The following MTX2 variants were observed in gnomAD, a reference collection of about 807,000 sequenced individuals.
The protein encoded by MTX2 is metaxin-2.
In MTX2, 35 loss-of-function variants were observed where a neutral mutation model predicts 42.3. The ratio of observed to expected loss-of-function variants is 0.83; its 90% CI spans 0.63 to 1.10. MTX2 has a LOEUF of 1.10. Ranked by LOEUF, MTX2 falls within the 50% of genes least tolerant of loss-of-function variation. The pLI, the probability that MTX2 is intolerant of heterozygous loss-of-function variation, is 0.00. For missense variants in MTX2, 307 were observed against 304.1 expected, an observed-to-expected ratio of 1.01 and a Z score of -0.07; for synonymous variants, 119 against 100.9, an observed-to-expected ratio of 1.18 and a Z score of -1.08.
intron 1 of MTX2, among the ~76,000 whole-genome samples, chr2:176,295,344 A>G (rs1184636588): frequency 1.3e-5 from 2 of 152,292 alleles, no homozygotes; most frequent in East Asian, 3.9e-4. Context: ...AATTTATCCT[A>G]AAAGGTTATT....
intron 1 of MTX2, among the ~76,000 whole-genome samples, chr2:176,293,565 T>G (rs1012296670): frequency 6.6e-6 from 1 of 152,220 alleles, no homozygotes; most frequent in Middle Eastern, 3.4e-3. Context: ...TCTGGTTGTT[T>G]AAAAGAGAGC....
chr2:176,294,619 G>T (rs188192802), intron 1 of MTX2, among the ~76,000 whole-genome samples: 50 of 152,280 alleles, frequency 3.3e-4, no homozygotes, highest in African/African-American at 1.1e-3. Flanking sequence ...ATAAATTGCT[G>T]TTCATATAAG....
At chr2:176,325,898 T>G (rs3754987) in intron 4 of MTX2, among the ~76,000 whole-genome samples, 1 of 151,758 alleles carries the variant, frequency 6.6e-6, no homozygotes, top group East Asian at 1.9e-4. Context: ...TAATGCATGT[T>G]GTCCTATGGA....
intron 1 of MTX2, among the ~76,000 whole-genome samples, chr2:176,290,966 GACAA>G (rs572300908): frequency 1.6e-4 from 25 of 152,020 alleles, no homozygotes; most frequent in South Asian, 6.2e-4. Context: ...CAGCTTATCT[GACAA>G]ACAGTCTCAC....
intron 1 of MTX2, among the ~76,000 whole-genome samples, chr2:176,284,749 A>G (rs1693155785): frequency 6.6e-6 from 1 of 152,220 alleles, no homozygotes; most frequent in Non-Finnish European, 1.5e-5. Context: ...AAATTAATCT[A>G]CACACATCCT....
chr2:176,313,357 C>CTCA (rs1228415745), intron 3 of MTX2, among the ~76,000 whole-genome samples: 19 of 149,464 alleles, frequency 1.3e-4, no homozygotes, highest in African/African-American at 4.7e-4. Flanking sequence ...TGATCTTCTG[C>CTCA]TCATTAACTT....
intron 1 of MTX2, among the ~76,000 whole-genome samples, chr2:176,293,650 A>G (rs1375342014): frequency 6.6e-6 from 1 of 151,952 alleles, no homozygotes; most frequent in Admixed American, 6.6e-5. Context: ...TTCTGCCATG[A>G]TTGTAAGCTT....
At chr2:176,335,064 TATTA>T (rs1684956391) in intron 9 of MTX2, among the ~76,000 whole-genome samples, 1 of 151,822 alleles carries the variant, frequency 6.6e-6, no homozygotes, top group Non-Finnish European at 1.5e-5. Flanking sequence ...AATTATATGG[TATTA>T]ATTATCAAAT....
intron 3 of MTX2, among the ~76,000 whole-genome samples, chr2:176,317,372 A>G (rs1346802723): frequency 6.6e-6 from 1 of 152,166 alleles, no homozygotes; most frequent in Non-Finnish European, 1.5e-5. Flanking sequence ...ATTCACCATT[A>G]TAATTTTTCA....
Position 176,269,642 on chromosome 2 carries a change from G to T in MTX2, c.13G>T (p.Ala5Ser), listed in dbSNP as rs868118253. The T allele has an allele frequency of 1.9e-6, 3 of 1,597,572 alleles. No homozygotes were observed. The Admixed American group carries it at 5.1e-5, about 27-fold the overall frequency. MSLV[A>S]EAFVSQIAAA... is the part of the protein sequence containing the mutation. ...CCTCCCAGCCGACATGTCTCTAGTGGCGGAAGCCTTCGTCTCCCAGATTGC... is the reference window on the plus strand; with the variant it reads ...CCTCCCAGCCGACATGTCTCTAGTGTCGGAAGCCTTCGTCTCCCAGATTGC... The change falls in exon 1 of 10, where the codon GCG (alanine) becomes TCG (serine). Residue 5 changes from alanine to serine, a missense_variant. Coordinates refer to ENST00000249442, the MANE Select transcript of MTX2 (RefSeq NM_006554.5).
intron 1 of MTX2, among the ~76,000 whole-genome samples, chr2:176,290,575 C>G (rs1005510427): frequency 1.3e-5 from 2 of 152,000 alleles, no homozygotes; most frequent in African/African-American, 4.8e-5. Flanking sequence ...TGTCTTTTCC[C>G]AAACCAAGAG....
intron 3 of MTX2, among the ~76,000 whole-genome samples, chr2:176,303,897 A>AT (rs1684084298): frequency 6.6e-6 from 1 of 152,046 alleles, no homozygotes; most frequent in Non-Finnish European, 1.5e-5. Context: ...GTTCTGAGAG[A>AT]TTGCAACTTA....
intron 4 of MTX2, among the ~76,000 whole-genome samples, chr2:176,326,225 A>G (rs1486725987): frequency 6.6e-6 from 1 of 151,708 alleles, no homozygotes; most frequent in Non-Finnish European, 1.5e-5. Flanking sequence ...TTTTTCCCAC[A>G]TGTTGGGAAC....
intron 3 of MTX2, among the ~76,000 whole-genome samples, chr2:176,309,162 T>C (rs937081727): frequency 7.9e-5 from 12 of 152,334 alleles, no homozygotes; most frequent in African/African-American, 2.9e-4. Context: ...CAGTAGTCAT[T>C]CAGAAGCAGG....
chr2:176,326,987 A>T, intron 5 of MTX2, 86 bp downstream of exon 5: 1 of 751,858 alleles, frequency 1.3e-6, no homozygotes, highest in South Asian at 2.7e-5. Flanking sequence ...ATTGATTTCA[A>T]CCTAGTTTTA....
chr2:176,305,947 G>A (rs575234629), intron 3 of MTX2, among the ~76,000 whole-genome samples: 31 of 152,032 alleles, frequency 2.0e-4, no homozygotes, highest in South Asian at 4.2e-4. Context: ...AAGTTCTAGG[G>A]TACATGTGCA....
Position 176,323,461 on chromosome 2 carries a change from T to C in MTX2, c.205T>C (p.Ser69Pro). Residue 69 changes from serine (S) to proline (P), a missense_variant, in exon 4 of 10, where the codon TCT becomes CCT. Ser to Pro is a moderately conservative substitution (Grantham distance 74). Coordinates refer to ENST00000249442, the MANE Select transcript of MTX2 (RefSeq NM_006554.5). Reference sequence around the variant, plus strand: ...GGCAAATGCAGAATATATGTCTCCATCTGGTAAGTGTGTTTTTTTTTCTTC... The same window carrying C: ...GGCAAATGCAGAATATATGTCTCCACCTGGTAAGTGTGTTTTTTTTTCTTC... ...CRANAEYMSP[S>P]GKVPFIHVGN... 2 of 1,609,660 alleles carry C rather than the reference T, an allele frequency of 1.2e-6. No individual in the cohort carries two copies. The highest frequency in any genetic ancestry group is 1.7e-6 in the Non-Finnish European group (2 of 1,177,018).
At chr2:176,302,060 G>T (rs1174281517) in intron 3 of MTX2, among the ~76,000 whole-genome samples, 2 of 151,036 alleles carry the variant, frequency 1.3e-5, no homozygotes, top group Non-Finnish European at 2.9e-5. Flanking sequence ...GCACAACAGA[G>T]ACTTTCTAGT....
intron 1 of MTX2, among the ~76,000 whole-genome samples, chr2:176,294,220 T>A (rs1333537196): frequency 6.6e-6 from 1 of 152,144 alleles, no homozygotes; most frequent in Non-Finnish European, 1.5e-5. Context: ...TTTCTATTAC[T>A]TTCATATTTG....
Sources: allele counts gnomAD v4.1 joint callset (sites outside exome capture counted in the v4.1 genomes callset), GRCh38; gene constraint gnomAD v4.1.1; transcripts MANE v1.5; gene names NCBI Gene and HGNC (gene_info 2026-07-23, HGNC 2026-07-21).